The following ZNF264 variants were observed in gnomAD, a reference collection of about 807,000 sequenced individuals.
ZNF264 encodes zinc finger protein 264.
Under a neutral mutation model 11.2 loss-of-function variants are expected in ZNF264, and 11 were observed. The ratio of observed to expected loss-of-function variants is 0.98; its 90% CI spans 0.62 to 1.63. The LOEUF is 1.63. Ranked by LOEUF, ZNF264 falls within the 40% of genes most tolerant of loss-of-function variation. The pLI is 0.00. For synonymous variants in ZNF264, 309 were observed against 279.8 expected, an observed-to-expected ratio of 1.10 and a Z score of -1.04; for missense variants, 752 against 768.1, an observed-to-expected ratio of 0.98 and a Z score of 0.25.
At position 57,207,973 on chromosome 19, in the gene ZNF264, G is replaced by A. The variant is rs12980926; in HGVS notation, c.256+2481G>A. On this transcript the variant is annotated intron_variant, in intron 3 of 3. Transcript: ENST00000263095. ...ACTCCTGACCTCAGGTGATCCACCC[G>A]CCTTGGCCTTCCAAAGTGCTGGGAT... Among the ~76,000 whole-genome samples, 132 of 152,026 alleles carry A rather than the reference G, an allele frequency of 8.7e-4. 1 individual carries two copies. The highest frequency in any genetic ancestry group is 2.9e-3 in the South Asian group (14 of 4,814).
intron 2 of ZNF264, among the ~76,000 whole-genome samples, chr19:57,203,282 TAAAG>T (rs2087266765): frequency 6.6e-6 from 1 of 152,026 alleles, no homozygotes; most frequent in African/African-American, 2.4e-5. Context: ...GAGAGTTTGT[TAAAG>T]AAGTGGTTGG....
chr19:57,212,158 A>G lies in ZNF264; in HGVS notation c.1061A>G (p.His354Arg). ...ECLECGKVFK[H>R]RSYLMWHQQT... ...TTGGAGTGTGGCAAGGTCTTCAAAC[A>G]CAGGTCATATCTCATGTGGCACCAG... Residue 354 changes from histidine to arginine, a missense_variant, in exon 4 of 4, where the codon CAC (histidine) becomes CGC (arginine). Transcript: ENST00000263095. 1.2e-6 allele frequency: 2 copies of G among 1,614,170 alleles called. No individual in the cohort carries two copies. The highest frequency in any genetic ancestry group is 8.5e-7 in the Non-Finnish European group (1 of 1,180,014).
chr19:57,197,680 T>C (rs2087221992), intron 2 of ZNF264, among the ~76,000 whole-genome samples: 1 of 151,896 alleles, frequency 6.6e-6, no homozygotes, highest in Non-Finnish European at 1.5e-5. Flanking sequence ...CATACCCAAA[T>C]GAGGAATGTG....
At chr19:57,200,561 T>TTGTGTCTTGTCTCTTGTGTCTTG (rs10650695) in intron 2 of ZNF264, among the ~76,000 whole-genome samples, 1 of 122,838 alleles carries the variant, frequency 8.1e-6, no homozygotes, top group Non-Finnish European at 1.8e-5. Context: ...GTCTTGTGTC[T>TTGTGTCTTGTCTCTTGTGTCTTG]TGTCTTGTCT....
chr19:57,211,089 C>T (rs909714582), intron 3 of ZNF264, among the ~76,000 whole-genome samples: 1 of 152,106 alleles, frequency 6.6e-6, no homozygotes, highest in Non-Finnish European at 1.5e-5. Context: ...TCTGTCTACC[C>T]AGGTCCAATC....
intron 2 of ZNF264, among the ~76,000 whole-genome samples, chr19:57,201,978 A>G (rs963570140): frequency 2.0e-5 from 3 of 151,688 alleles, no homozygotes; most frequent in Non-Finnish European, 4.4e-5. Context: ...ATGGGAGGCA[A>G]GAGGGTTGCT....
intron 2 of ZNF264, among the ~76,000 whole-genome samples, chr19:57,196,068 G>A (rs1316360080): frequency 1.3e-5 from 2 of 151,754 alleles, no homozygotes; most frequent in East Asian, 3.9e-4. Context: ...CTTTGCCCCA[G>A]CCCTGCAAAG....
Position 57,213,130 on chromosome 19 carries a change from T to C in ZNF264, c.*149T>C, listed in dbSNP as rs2087354213. 7 of 684,478 alleles carry C rather than the reference T, an allele frequency of 1.0e-5. No individual in the cohort carries two copies. The South Asian group carries it at 1.8e-4, about 18-fold the overall frequency. 42.4% of individuals were successfully genotyped at this position (684,478 alleles called of 1,614,324 possible). Reference sequence around the variant, plus strand: ...ACATAGGAGAACCTTCAGCTGCATCTTTCTCCTTAGTTTACAGTGCAATTT... The same window carrying C: ...ACATAGGAGAACCTTCAGCTGCATCCTTCTCCTTAGTTTACAGTGCAATTT... On this transcript the variant is annotated 3_prime_UTR_variant, in exon 4 of 4. Coordinates refer to ENST00000263095, the MANE Select transcript of ZNF264 (RefSeq NM_003417.5).
At position 57,211,893 on chromosome 19, in the gene ZNF264, A is replaced by G. The variant is rs945414022; in HGVS notation, c.796A>G (p.Lys266Glu). Reference sequence around the variant, plus strand: ...GCCCTATGAGTGCATGGAGTGTGGAAAGGCCTTCAACCGCAAGTCATACCT... The same window carrying G: ...GCCCTATGAGTGCATGGAGTGTGGAGAGGCCTTCAACCGCAAGTCATACCT... The part of the protein sequence containing the change: ...ERPYECMECG[K>E]AFNRKSYLTQ... Residue 266 changes from lysine (K) to glutamate (E), a missense_variant, in exon 4 of 4, where the codon AAG becomes GAG. Lys to Glu is a moderately conservative substitution (Grantham distance 56). Transcript: ENST00000263095. The G allele has an allele frequency of 6.2e-7, 1 of 1,614,156 alleles. No individual in the cohort carries two copies. Among genetic ancestry groups the G allele is most frequent in the East Asian group, 2.2e-5 (1 of 44,876 alleles).
At chr19:57,194,803 C>T (rs780205060) in intron 2 of ZNF264, 40 of 400,184 alleles carry the variant, frequency 1.0e-4, no homozygotes, top group Non-Finnish European at 1.5e-4. Flanking sequence ...CAATACGTTG[C>T]ATCCTTCAAT....
At chr19:57,202,422 T>C (rs545234097) in intron 2 of ZNF264, among the ~76,000 whole-genome samples, 12 of 151,986 alleles carry the variant, frequency 7.9e-5, no homozygotes, top group South Asian at 6.2e-4. Flanking sequence ...CTGGTTTTTG[T>C]CCACCGTTCC....
intron 2 of ZNF264, among the ~76,000 whole-genome samples, chr19:57,196,822 A>G (rs1343334889): frequency 1.3e-5 from 2 of 151,952 alleles, no homozygotes; most frequent in African/African-American, 4.9e-5. Flanking sequence ...CTTTCCAGTC[A>G]TCCTTCTTCG....
In ZNF264 at chr19:57,211,532, T is replaced by C; in HGVS notation, c.435T>C (p.Asp145=). The change falls in exon 4 of 4, where the codon GAT becomes GAC. Residue 145 remains aspartate (D), a synonymous_variant. Transcript: ENST00000263095. Reference sequence around the variant, plus strand: ...AAGGACACTTCAGACCAGGAATAGATCCCCAGGAGAAGTCTCCTGGGAAGA... The same window carrying C: ...AAGGACACTTCAGACCAGGAATAGACCCCCAGGAGAAGTCTCCTGGGAAGA... ...MQEGHFRPGI[D]PQEKSPGKMS... is the part of the protein sequence containing the mutation. 1 of 1,613,880 alleles carries C rather than the reference T, an allele frequency of 6.2e-7. No individual in the cohort carries two copies. Among genetic ancestry groups the C allele is most frequent in the Middle Eastern group, 1.7e-4 (1 of 6,060 alleles).
intron 2 of ZNF264, among the ~76,000 whole-genome samples, chr19:57,203,624 G>A (rs2087269562): frequency 6.6e-6 from 1 of 152,026 alleles, no homozygotes; most frequent in African/African-American, 2.4e-5. Context: ...ACTATTTGAT[G>A]TTTCTGTAAA....
chr19:57,202,404 GATAC>G (rs548190701), intron 2 of ZNF264, among the ~76,000 whole-genome samples: 16 of 152,028 alleles, frequency 1.1e-4, no homozygotes, highest in African/African-American at 3.9e-4. Flanking sequence ...GTGGTATTCT[GATAC>G]ATACTGGTTT....
rs1320015833 is a variant in ZNF264, at chr19:57,218,997, C to T, written c.*6016C>T. 6.6e-6 allele frequency: 1 copy of T among 152,162 alleles called. No homozygotes were observed. Among genetic ancestry groups the T allele is most frequent in the African/African-American group, 2.4e-5 (1 of 41,422 alleles). 9.4% of individuals were successfully genotyped at this position (152,162 alleles called of 1,614,324 possible). A position where few individuals can be genotyped will look rare whatever the true frequency, so the allele number is the denominator to read the frequency against. Reference sequence around the variant, plus strand: ...GCCCACAGTCTTCTGAGTTGTGCTACACCAATATTTCTATGAACAGATCTT... The same window carrying T: ...GCCCACAGTCTTCTGAGTTGTGCTATACCAATATTTCTATGAACAGATCTT... On this transcript the variant is annotated 3_prime_UTR_variant, in exon 4 of 4. Coordinates refer to ENST00000263095, the MANE Select transcript of ZNF264 (RefSeq NM_003417.5).
chr19:57,203,383 C>T (rs1007120018), intron 2 of ZNF264, among the ~76,000 whole-genome samples: 1 of 152,108 alleles, frequency 6.6e-6, no homozygotes, highest in Admixed American at 6.6e-5. Context: ...TTACCTGTCC[C>T]TGAGAGGAGC....
rs1464639482 is a variant in ZNF264, at chr19:57,212,362, C to G, written c.1265C>G (p.Thr422Ser). The change falls in exon 4 of 4, where the codon ACT becomes AGT. Residue 422 changes from threonine to serine, a missense_variant. Coordinates refer to ENST00000263095, the MANE Select transcript of ZNF264 (RefSeq NM_003417.5). ...SYLKRHQRIH[T>S]GEKPFVCSEC... Reference sequence around the variant, plus strand: ...CTCAAGAGGCACCAGCGGATTCACACTGGGGAGAAGCCCTTCGTGTGCAGT... The same window carrying G: ...CTCAAGAGGCACCAGCGGATTCACAGTGGGGAGAAGCCCTTCGTGTGCAGT... 6.2e-7 allele frequency: 1 copy of G among 1,613,396 alleles called. No homozygotes were observed. The highest frequency in any genetic ancestry group is 8.5e-7 in the Non-Finnish European group (1 of 1,179,846).
intron 1 of ZNF264, 33 bp from the exon 2 acceptor site, chr19:57,193,842 G>T (rs756553624): frequency 4.3e-6 from 7 of 1,612,064 alleles, no homozygotes; most frequent in Non-Finnish European, 5.9e-6. Context: ...GCAGCTGAAA[G>T]GCCAATACTA....
Sources: allele counts gnomAD v4.1 joint callset (sites outside exome capture counted in the v4.1 genomes callset), GRCh38; gene constraint gnomAD v4.1.1; transcripts MANE v1.5; gene names NCBI Gene and HGNC (gene_info 2026-07-23, HGNC 2026-07-21).